The following AUTS2 variants were observed in gnomAD, a reference collection of about 807,000 sequenced individuals.
AUTS2 encodes the protein autism susceptibility gene 2 protein.
A neutral mutation model predicts 112.4 loss-of-function variants in AUTS2; 17 were observed. The observed-to-expected ratio is 0.15, with a 90% CI of 0.10 to 0.23. AUTS2 has a LOEUF of 0.23. AUTS2 is among the 10% of genes least tolerant of loss of function. The pLI is 1.00. For synonymous variants in AUTS2, 751 were observed against 702.7 expected (o/e 1.07, Z -1.09); for missense variants, 1,510 against 1,701.6 (o/e 0.89, Z 1.98).
At chr7:70,187,775 CTTT>C (rs71077627) in intron 4 of AUTS2, among the ~76,000 whole-genome samples, 2 of 110,314 alleles carry the variant, frequency 1.8e-5, no homozygotes, top group Admixed American at 1.0e-4. Context: ...AACTAGTCTT[CTTT>C]TTTTTTTTTT....
At chr7:70,589,284 C>T (rs941095933) in intron 5 of AUTS2, among the ~76,000 whole-genome samples, 3 of 152,170 alleles carry the variant, frequency 2.0e-5, no homozygotes, top group African/African-American at 7.2e-5. Context: ...GGGGAACAAA[C>T]GAGAGCCCTC....
chr7:70,315,073 A>C (rs1789932242), intron 4 of AUTS2, among the ~76,000 whole-genome samples: 1 of 152,190 alleles, frequency 6.6e-6, no homozygotes. Context: ...GTGCTAATAA[A>C]ATAGTTTCTT....
At position 70,435,999 on chromosome 7, in the gene AUTS2, T is replaced by C; in HGVS notation, c.690+218T>C. On this transcript the variant is annotated intron_variant, in intron 5 of 18. Coordinates refer to ENST00000342771, the MANE Select transcript of AUTS2 (RefSeq NM_015570.4). ...TTTCATTTAAACAAGACCTTTAATA[T>C]TGCATATATGTGACACTGAGTTTTT... 4 of 480,332 alleles carry C rather than the reference T, an allele frequency of 8.3e-6. No individual in the cohort carries two copies. The South Asian group carries it at 2.1e-4, about 25-fold the overall frequency. 29.8% of individuals were successfully genotyped at this position (480,332 alleles called of 1,614,324 possible).
chr7:69,704,963 C>T lies in AUTS2; in HGVS notation c.309+105001C>T, dbSNP rs1024153304. 8.5e-5 allele frequency among the ~76,000 whole-genome samples: 13 copies of T among 152,220 alleles called. No individual in the cohort carries two copies. The East Asian group carries it at 2.5e-3, about 29-fold the overall frequency. On this transcript the variant is annotated intron_variant, in intron 1 of 18. Transcript: ENST00000342771. ...CTCACTGCAGCCTCAACCTCCCAGG[C>T]TCAAGTGATCCTCTCACCTCAGCCT... is the stretch of plus-strand genomic sequence containing the variant.
At chr7:70,473,742 G>A (rs1797478818) in intron 5 of AUTS2, among the ~76,000 whole-genome samples, 1 of 149,050 alleles carries the variant, frequency 6.7e-6, no homozygotes, top group African/African-American at 2.5e-5. Flanking sequence ...TAGGTTGGAA[G>A]CGCCCCCCAG....
At chr7:70,748,463 G>C (rs764012606) in intron 6 of AUTS2, among the ~76,000 whole-genome samples, 5 of 152,110 alleles carry the variant, frequency 3.3e-5, no homozygotes, top group Admixed American at 2.6e-4. Flanking sequence ...CATCATGGCT[G>C]GGGATAAGTA....
At chr7:70,787,507 A>C (rs1585695137) in intron 18 of AUTS2, 76 bp downstream of exon 18, 1 of 1,081,876 alleles carries the variant, frequency 9.2e-7, no homozygotes. Context: ...CTGGCCGCCC[A>C]CCCTCCCTGT....
Position 70,236,915 on chromosome 7 carries a change from G to A in AUTS2, c.660+102344G>A, listed in dbSNP as rs534277960. ...TCTAGAATAATAATTGTTACTTGGT[G>A]TTCTCTGTACTACTCTGTTTAATCT... On this transcript the variant is annotated intron_variant, in intron 4 of 18. Coordinates refer to ENST00000342771, the MANE Select transcript of AUTS2 (RefSeq NM_015570.4). 2.0e-5 allele frequency among the ~76,000 whole-genome samples: 3 copies of A among 152,294 alleles called. No individual in the cohort carries two copies. The South Asian group carries it at 6.2e-4, about 32-fold the overall frequency.
intron 4 of AUTS2, among the ~76,000 whole-genome samples, chr7:70,245,169 T>TAA (rs1180448969): frequency 5.9e-5 from 7 of 118,558 alleles, no homozygotes; most frequent in African/African-American, 1.3e-4. Context: ...TATATATATA[T>TAA]AAAAAATAAA....
intron 1 of AUTS2, among the ~76,000 whole-genome samples, chr7:69,826,164 T>C (rs1306273381): frequency 2.6e-5 from 4 of 152,206 alleles, no homozygotes; most frequent in Admixed American, 6.5e-5. Context: ...GATAATTTGT[T>C]ATTTTTTGGT....
At chr7:70,724,333 A>C (rs1786881552) in intron 6 of AUTS2, among the ~76,000 whole-genome samples, 1 of 152,170 alleles carries the variant, frequency 6.6e-6, no homozygotes, top group Non-Finnish European at 1.5e-5. Flanking sequence ...GTACAAAACT[A>C]ATATTATAAC....
rs567002450 is a variant in AUTS2, at chr7:70,646,759, C to CT, written c.691-51809dup. Among the ~76,000 whole-genome samples, 23 of 152,380 alleles carry CT rather than the reference C, an allele frequency of 1.5e-4. 2 individuals carry two copies. The South Asian group carries it at 2.5e-3, about 16-fold the overall frequency. On this transcript the variant is annotated intron_variant, in intron 5 of 18. Transcript: ENST00000342771. ...AGGAGATCTAGGCCATGCAAGGCGG[C>CT]TGCTCAAGGCCCGCTCTAGTGCGAG... is the stretch of plus-strand genomic sequence containing the variant.
rs553450284 is a variant in AUTS2, at chr7:70,621,912, T to C, written c.691-76657T>C. The stretch of plus-strand genomic sequence containing the variant: ...CCCAAGCTGGAGTGCAGTGGTGCAA[T>C]CTCAGCTCACTGCAACTTCCACCTC... On this transcript the variant is annotated intron_variant, in intron 5 of 18. Transcript: ENST00000342771. Among the ~76,000 whole-genome samples the C allele has an allele frequency of 1.1e-3, 137 of 127,874 alleles. 1 individual carries two copies. The highest frequency in any genetic ancestry group is 1.8e-3 in the Non-Finnish European group (112 of 63,564). The allele number at this position is 127,874 out of a possible 152,430, so 83.9% of individuals were successfully genotyped here.
intron 5 of AUTS2, among the ~76,000 whole-genome samples, chr7:70,581,751 C>G (rs1166072628): frequency 6.6e-6 from 1 of 152,180 alleles, no homozygotes; most frequent in African/African-American, 2.4e-5. Context: ...GGAGCCTTCC[C>G]TGACTATAAA....
chr7:69,684,406 T>A (rs1796964699), intron 1 of AUTS2, among the ~76,000 whole-genome samples: 2 of 152,138 alleles, frequency 1.3e-5, no homozygotes, highest in Non-Finnish European at 2.9e-5. Flanking sequence ...TCTGCCCCGT[T>A]CTGTTTTTTT....
At chr7:70,047,189 A>G (rs755513476) in intron 2 of AUTS2, among the ~76,000 whole-genome samples, 8 of 152,216 alleles carry the variant, frequency 5.3e-5, no homozygotes, top group Non-Finnish European at 1.2e-4. Flanking sequence ...ATATGTCTTC[A>G]AAACTCTTAT....
chr7:70,560,036 G>T (rs192949911), intron 5 of AUTS2, among the ~76,000 whole-genome samples: 2 of 152,096 alleles, frequency 1.3e-5, no homozygotes, highest in Non-Finnish European at 2.9e-5. Context: ...CTCCAGTCAC[G>T]CTGGCCTTTG....
intron 4 of AUTS2, among the ~76,000 whole-genome samples, chr7:70,338,717 G>GA (rs985748426): frequency 6.6e-6 from 1 of 152,074 alleles, no homozygotes; most frequent in African/African-American, 2.4e-5. Context: ...TGGTTTCCTG[G>GA]AAAGGACTCA....
chr7:70,160,594 C>T (rs1004789072), intron 4 of AUTS2, among the ~76,000 whole-genome samples: 7 of 152,190 alleles, frequency 4.6e-5, no homozygotes, highest in Non-Finnish European at 1.0e-4. Context: ...TCTTTTCACA[C>T]AAGTGTAAGC....
Sources: gnomAD v4.1 joint callset for allele counts (sites outside exome capture counted in the v4.1 genomes callset) on GRCh38, gnomAD v4.1.1 for gene constraint, MANE v1.5 for transcripts, NCBI Gene and HGNC (gene_info 2026-07-23, HGNC 2026-07-21) for gene names.